The following PCDHGB4 variants were observed in gnomAD, a reference collection of about 807,000 sequenced individuals.
The protein encoded by PCDHGB4 is protocadherin gamma subfamily B, 4, also known as protocadherin gamma-B4.
Under a neutral mutation model 60.5 loss-of-function variants are expected in PCDHGB4, and 38 were observed. That is an observed-to-expected ratio of 0.63 (90% CI 0.48 to 0.82). The LOEUF is 0.82. Among genes scored for constraint, PCDHGB4 ranks in the 40% least tolerant of loss-of-function variants. PCDHGB4 has a pLI of 0.00. For missense variants in PCDHGB4, 1,109 were observed against 1,209.6 expected (o/e 0.92, Z 1.23); for synonymous variants, 456 against 509.7 (o/e 0.89, Z 1.42).
chr5:141,418,753 A>G, intron 1 of PCDHGB4: 2 of 1,613,974 alleles, frequency 1.2e-6, no homozygotes, highest in South Asian at 2.2e-5. Context: ...ATTACACTAC[A>G]GGAAACATTC....
intron 1 of PCDHGB4, among the ~76,000 whole-genome samples, chr5:141,446,727 A>G (rs546345866): frequency 6.6e-6 from 1 of 152,258 alleles, no homozygotes; most frequent in African/African-American, 2.4e-5. Context: ...TCGGCCTCCC[A>G]AAGTGTGGGG....
At chr5:141,417,027 GGT>G (rs1491367168) in intron 1 of PCDHGB4, 2 of 134,514 alleles carry the variant, frequency 1.5e-5, no homozygotes, top group Non-Finnish European at 3.1e-5. Flanking sequence ...GAAAAATACA[GGT>G]TTTTTTTTTA....
At chr5:141,484,506 G>T (rs1442936814) in intron 1 of PCDHGB4, among the ~76,000 whole-genome samples, 1 of 152,186 alleles carries the variant, frequency 6.6e-6, no homozygotes, top group Non-Finnish European at 1.5e-5. Context: ...TGAATATTCT[G>T]CAGAAGGGCA....
At chr5:141,414,481 C>T (rs1011579090) in intron 1 of PCDHGB4, 2 of 1,613,948 alleles carry the variant, frequency 1.2e-6, no homozygotes, top group Non-Finnish European at 1.7e-6. Context: ...AAGTCCTCCT[C>T]TATCAACGGA....
At chr5:141,441,680 C>T in intron 1 of PCDHGB4, 1 of 295,840 alleles carries the variant, frequency 3.4e-6, no homozygotes, top group South Asian at 2.8e-5. Context: ...GCGCCTTCGA[C>T]CAAGAGCAGC....
chr5:141,494,899 C>T, intron 2 of PCDHGB4, 34 bp downstream of exon 2: 1 of 1,614,116 alleles, frequency 6.2e-7, no homozygotes, highest in Non-Finnish European at 8.5e-7. Context: ...ACCCTCTTCT[C>T]TGCGGCATTT....
At chr5:141,426,029 A>G (rs576464127) in intron 1 of PCDHGB4, among the ~76,000 whole-genome samples, 13 of 152,216 alleles carry the variant, frequency 8.5e-5, no homozygotes, top group Non-Finnish European at 1.9e-4. Flanking sequence ...AAATAGACTC[A>G]GAGCCCTGCT....
chr5:141,438,721 G>A (rs886300746), intron 1 of PCDHGB4, among the ~76,000 whole-genome samples: 30 of 148,304 alleles, frequency 2.0e-4, no homozygotes, highest in Non-Finnish European at 7.4e-5. Flanking sequence ...AGTGCAAGTG[G>A]TGTGATCTCA....
intron 1 of PCDHGB4, chr5:141,410,703 C>G (rs763776263): frequency 1.1e-5 from 16 of 1,467,494 alleles, no homozygotes; most frequent in Non-Finnish European, 9.1e-7. Flanking sequence ...ATTTTCATAT[C>G]TAGAATCATA....
At chr5:141,428,174 G>A (rs962782246) in intron 1 of PCDHGB4, 3 of 1,515,246 alleles carry the variant, frequency 2.0e-6, no homozygotes, top group Non-Finnish European at 2.7e-6. Context: ...TGTGCGTGAC[G>A]GAGGACAGCC....
At chr5:141,410,662 C>T (rs770245568) in intron 1 of PCDHGB4, 1 of 1,572,090 alleles carries the variant, frequency 6.4e-7, no homozygotes, top group Admixed American at 1.9e-5. Context: ...TAATAGTCTA[C>T]TAGTTTCTCA....
chr5:141,510,582 A>G (rs1156375287), intron 3 of PCDHGB4, among the ~76,000 whole-genome samples: 2 of 152,166 alleles, frequency 1.3e-5, no homozygotes, highest in Non-Finnish European at 2.9e-5. Context: ...TATTTTACGT[A>G]CCTGACATAC....
In PCDHGB4 at chr5:141,486,223, C is replaced by G. The variant is rs1164723634; in HGVS notation, c.2398-8584C>G. ...ACGTAAATGACAATGCCCCTTACATCACAGTGACCTCAGAGCTTGGAACCC... is the reference window on the plus strand; with the variant it reads ...ACGTAAATGACAATGCCCCTTACATGACAGTGACCTCAGAGCTTGGAACCC... On this transcript the variant is annotated intron_variant, in intron 1 of 3. Coordinates refer to ENST00000519479, the MANE Select transcript of PCDHGB4 (RefSeq NM_003736.4). The surrounding 1 kb of genome is among the most constrained non-coding windows in gnomAD (Gnocchi z 5.0). The G allele has an allele frequency of 6.2e-7, 1 of 1,614,148 alleles. No homozygotes were observed. Among genetic ancestry groups the G allele is most frequent in the Admixed American group, 1.7e-5 (1 of 60,032 alleles).
chr5:141,498,045 A>G (rs1368474174), intron 2 of PCDHGB4, among the ~76,000 whole-genome samples: 4 of 152,256 alleles, frequency 2.6e-5, no homozygotes, highest in Non-Finnish European at 4.4e-5. Flanking sequence ...AATTACAAAA[A>G]TAAATGTGAG....
intron 1 of PCDHGB4, chr5:141,400,280 CCG>C (rs769084717): frequency 1.2e-5 from 19 of 1,613,948 alleles, no homozygotes; most frequent in Non-Finnish European, 1.4e-5. Context: ...TCCAGCCCTG[CCG>C]CCTGGAGCTG....
chr5:141,413,117 C>A, intron 1 of PCDHGB4: 1 of 1,509,120 alleles, frequency 6.6e-7, no homozygotes, highest in Non-Finnish European at 8.9e-7. Context: ...ACAAAGGAAC[C>A]GGTTGAAACA....
chr5:141,498,656 G>A (rs2154592341), intron 2 of PCDHGB4, among the ~76,000 whole-genome samples: 1 of 152,336 alleles, frequency 6.6e-6, no homozygotes, highest in Non-Finnish European at 1.5e-5. Context: ...ACCTGGCCAG[G>A]TGTGGTGGCT....
chr5:141,465,171 G>T (rs969390966), intron 1 of PCDHGB4, among the ~76,000 whole-genome samples: 1 of 151,728 alleles, frequency 6.6e-6, no homozygotes, highest in Non-Finnish European at 1.5e-5. Flanking sequence ...TGTTTATGAA[G>T]AAATTTAATT....
intron 1 of PCDHGB4, chr5:141,478,768 A>G: frequency 6.7e-7 from 1 of 1,501,046 alleles, no homozygotes; most frequent in African/African-American, 1.4e-5. Context: ...TACTTGACTC[A>G]TCTGTGGACC....
Sources: gnomAD v4.1 joint callset for allele counts (sites outside exome capture counted in the v4.1 genomes callset) on GRCh38, gnomAD v4.1.1 for gene constraint, Gnocchi (gnomAD v3.1) non-coding constraint, MANE v1.5 for transcripts, NCBI Gene and HGNC (gene_info 2026-07-23, HGNC 2026-07-21) for gene names.